FAM110B: variants seen among roughly 807,000 people sequenced by gnomAD.
The protein encoded by FAM110B is family with sequence similarity 110 member B.
Under a neutral mutation model 20.4 loss-of-function variants are expected in FAM110B, and 6 were observed. That is an observed-to-expected ratio of 0.29 (90% CI 0.16 to 0.58). The LOEUF (loss-of-function observed/expected upper bound fraction) is 0.58. Ranked by LOEUF, FAM110B falls within the 20% of genes least tolerant of loss-of-function variation. FAM110B has a pLI of 0.90. For missense variants in FAM110B, 434 were observed against 498.2 expected (o/e 0.87, Z 1.23); for synonymous variants, 226 against 214.1 (o/e 1.06, Z -0.49).
At chr8:58,015,513 A>C (rs189123228) in intron 1 of FAM110B, among the ~76,000 whole-genome samples, 1 of 152,226 alleles carries the variant, frequency 6.6e-6, no homozygotes, top group East Asian at 1.9e-4. Flanking sequence ...TTAGGTCCTT[A>C]AGTAAAAGTG....
chr8:57,996,101 A>G (rs984127718), intron 1 of FAM110B, among the ~76,000 whole-genome samples: 1 of 152,224 alleles, frequency 6.6e-6, no homozygotes, highest in African/African-American at 2.4e-5. Flanking sequence ...CAGGTAAGCT[A>G]TTTATTAAGC....
At chr8:58,005,543 A>G (rs1804386110) in intron 1 of FAM110B, among the ~76,000 whole-genome samples, 1 of 152,230 alleles carries the variant, frequency 6.6e-6, no homozygotes, top group Admixed American at 6.5e-5. Flanking sequence ...TCTTTGGAGC[A>G]TGTTAAAGTG....
At chr8:58,006,206 T>C (rs984181440) in intron 1 of FAM110B, among the ~76,000 whole-genome samples, 2 of 152,176 alleles carry the variant, frequency 1.3e-5, no homozygotes, top group East Asian at 1.9e-4. Context: ...TTTCTGAGAG[T>C]TTAGGTGTCA....
intron 3 of FAM110B, among the ~76,000 whole-genome samples, chr8:58,134,313 C>G (rs16923105): frequency 6.6e-6 from 1 of 152,144 alleles, no homozygotes; most frequent in Non-Finnish European, 1.5e-5. Flanking sequence ...TATTCATTTC[C>G]TTTTGCCCCT....
chr8:58,107,137 T>C (rs1806940282), intron 3 of FAM110B, among the ~76,000 whole-genome samples: 2 of 152,100 alleles, frequency 1.3e-5, no homozygotes, highest in South Asian at 4.1e-4. Flanking sequence ...TACTGAAAAA[T>C]TAGTTAACAC....
At chr8:58,121,284 A>G (rs17254739) in intron 3 of FAM110B, among the ~76,000 whole-genome samples, 19,784 of 152,204 alleles carry the variant, frequency 0.13, 1,361 homozygotes, top group Middle Eastern at 0.19. Flanking sequence ...AGAACAACAT[A>G]ATAATGCTTT....
At chr8:58,033,114 G>A (rs1321923809) in intron 2 of FAM110B, among the ~76,000 whole-genome samples, 1 of 151,928 alleles carries the variant, frequency 6.6e-6, no homozygotes, top group Non-Finnish European at 1.5e-5. Flanking sequence ...TTATATCCAT[G>A]TGTACTCAAT....
chr8:58,095,890 C>T (rs572064496), intron 3 of FAM110B, among the ~76,000 whole-genome samples: 4 of 152,224 alleles, frequency 2.6e-5, no homozygotes, highest in African/African-American at 9.6e-5. Context: ...CTTTGTAGGT[C>T]TCTAAGGACT....
Position 58,033,601 on chromosome 8 carries a change from A to C in FAM110B, c.-414+1898A>C, listed in dbSNP as rs539940118. 1.1e-4 allele frequency among the ~76,000 whole-genome samples: 16 copies of C among 150,230 alleles called. No individual in the cohort carries two copies. The South Asian group carries it at 3.2e-3, about 30-fold the overall frequency. ...CAAATAGCCCCGGTAAAAAGTGGGC[A>C]AAAGACATGCAGAGACACTTCTCAA... On this transcript the variant is annotated intron_variant, in intron 2 of 3. Coordinates refer to ENST00000519262, the MANE Select transcript of FAM110B (RefSeq NM_001377989.1).
intron 2 of FAM110B, among the ~76,000 whole-genome samples, chr8:58,053,321 G>A (rs552302341): frequency 6.6e-6 from 1 of 152,322 alleles, no homozygotes; most frequent in South Asian, 2.1e-4. Flanking sequence ...ATAACTGAAA[G>A]TGTAAGATTT....
At chr8:58,010,047 C>T (rs960706996) in intron 1 of FAM110B, among the ~76,000 whole-genome samples, 2 of 152,156 alleles carry the variant, frequency 1.3e-5, no homozygotes, top group African/African-American at 4.8e-5. Flanking sequence ...GACAGTGTCT[C>T]ACTCTGTCAT....
At chr8:58,103,580 G>T (rs150922271) in intron 3 of FAM110B, among the ~76,000 whole-genome samples, 2 of 151,982 alleles carry the variant, frequency 1.3e-5, no homozygotes, top group African/African-American at 4.8e-5. Flanking sequence ...ATAATAAATT[G>T]CAATCATTTT....
intron 1 of FAM110B, among the ~76,000 whole-genome samples, chr8:58,017,377 C>T (rs574722281): frequency 4.6e-5 from 7 of 152,234 alleles, no homozygotes; most frequent in South Asian, 2.1e-4. Flanking sequence ...AGTTAAGATG[C>T]GAACCAGTTC....
intron 3 of FAM110B, among the ~76,000 whole-genome samples, chr8:58,103,582 A>G (rs1182278993): frequency 6.6e-6 from 1 of 152,142 alleles, no homozygotes; most frequent in East Asian, 1.9e-4. Flanking sequence ...AATAAATTGC[A>G]ATCATTTTTA....
At chr8:58,116,536 CA>C (rs1388580536) in intron 3 of FAM110B, among the ~76,000 whole-genome samples, 1 of 152,170 alleles carries the variant, frequency 6.6e-6, no homozygotes, top group Non-Finnish European at 1.5e-5. Context: ...TCTTATTTGA[CA>C]GATAGAACAA....
At chr8:58,081,021 G>A (rs1280666777) in intron 3 of FAM110B, among the ~76,000 whole-genome samples, 1 of 152,178 alleles carries the variant, frequency 6.6e-6, no homozygotes, top group Non-Finnish European at 1.5e-5. Flanking sequence ...AGCCTCTCAA[G>A]TGACTGTCCC....
At chr8:58,093,135 G>A (rs1024228696) in intron 3 of FAM110B, among the ~76,000 whole-genome samples, 2 of 152,018 alleles carry the variant, frequency 1.3e-5, no homozygotes, top group Non-Finnish European at 2.9e-5. Context: ...GTTCCTTGTC[G>A]ATTCTGGATA....
chr8:58,082,398 C>A (rs1205203848), intron 3 of FAM110B, among the ~76,000 whole-genome samples: 1 of 152,154 alleles, frequency 6.6e-6, no homozygotes, highest in Non-Finnish European at 1.5e-5. Flanking sequence ...CTGTGAAGAA[C>A]CAGTTCAGAT....
At chr8:58,121,232 C>T (rs894978212) in intron 3 of FAM110B, among the ~76,000 whole-genome samples, 1 of 152,182 alleles carries the variant, frequency 6.6e-6, no homozygotes, top group African/African-American at 2.4e-5. Context: ...CTCTGTTGTC[C>T]ACACGCACCA....
Sources: gnomAD v4.1 joint callset for allele counts (sites outside exome capture counted in the v4.1 genomes callset) on GRCh38, gnomAD v4.1.1 for gene constraint, MANE v1.5 for transcripts, NCBI Gene and HGNC (gene_info 2026-07-23, HGNC 2026-07-21) for gene names.